SLC4A4: variants seen among roughly 807,000 people sequenced by gnomAD.
The protein encoded by SLC4A4 is solute carrier family 4 member 4, also known as electrogenic sodium bicarbonate cotransporter 1.
A neutral mutation model predicts 111.5 loss-of-function variants in SLC4A4; 27 were observed. The ratio of observed to expected loss-of-function variants is 0.24; its 90% CI spans 0.18 to 0.33. The LOEUF (loss-of-function observed/expected upper bound fraction) is 0.33, where lower values mean the gene tolerates loss of function less well. Ranked by LOEUF, SLC4A4 falls within the 10% of genes least tolerant of loss-of-function variation. The probability of loss-of-function intolerance (pLI) is 1.00; values close to 1 mark genes in which losing one functional copy is unlikely to be tolerated. For missense variants in SLC4A4, 909 were observed against 1,315.5 expected, an observed-to-expected ratio of 0.69 and a Z score of 4.78; for synonymous variants, 443 against 463.4, an observed-to-expected ratio of 0.96 and a Z score of 0.57.
At chr4:71,325,952 ATTTCT>A (rs1727468790) in intron 3 of SLC4A4, among the ~76,000 whole-genome samples, 1 of 151,936 alleles carries the variant, frequency 6.6e-6, no homozygotes, top group Admixed American at 6.6e-5. Flanking sequence ...AGTTATTCTC[ATTTCT>A]TTTATTTATA....
At chr4:71,172,364 T>A (rs184627578) in intron 2 of SLC4A4, among the ~76,000 whole-genome samples, 17 of 152,160 alleles carry the variant, frequency 1.1e-4, no homozygotes, top group African/African-American at 4.1e-4. Context: ...CAAGTGATTC[T>A]CCTGCCTCAG....
At chr4:71,345,326 ATTCT>A (rs1340924320) in intron 4 of SLC4A4, among the ~76,000 whole-genome samples, 2 of 152,024 alleles carry the variant, frequency 1.3e-5, no homozygotes, top group Admixed American at 6.6e-5. Context: ...CCCTGCCCAA[ATTCT>A]TTATTCATTT....
chr4:71,563,743 G>A (rs767472946), intron 23 of SLC4A4, 50 bp from the exon 24 acceptor site: 1 of 1,096,292 alleles, frequency 9.1e-7, no homozygotes, highest in Non-Finnish European at 1.4e-6. Context: ...GAGATAGGAA[G>A]GGCTGTATAA....
intron 7 of SLC4A4, among the ~76,000 whole-genome samples, chr4:71,414,347 C>A (rs1173115520): frequency 6.6e-6 from 1 of 152,138 alleles, no homozygotes; most frequent in Non-Finnish European, 1.5e-5. Context: ...GTGCCAAGGG[C>A]AGAGCTTTGT....
chr4:71,097,375 A>G (rs1402206971), intron 2 of SLC4A4, among the ~76,000 whole-genome samples: 1 of 152,186 alleles, frequency 6.6e-6, no homozygotes, highest in Non-Finnish European at 1.5e-5. Flanking sequence ...CTGTTGCTGC[A>G]TAGTATTCCA....
intron 2 of SLC4A4, among the ~76,000 whole-genome samples, chr4:71,149,171 C>T (rs1744253616): frequency 6.6e-6 from 1 of 152,200 alleles, no homozygotes; most frequent in African/African-American, 2.4e-5. Context: ...GCCAGGTGTA[C>T]TCAGTGAGTT....
intron 2 of SLC4A4, among the ~76,000 whole-genome samples, chr4:71,242,112 A>G (rs1399241377): frequency 1.3e-5 from 2 of 152,242 alleles, no homozygotes; most frequent in East Asian, 3.8e-4. Context: ...ACTGCAGAGA[A>G]TTCCCTGGTA....
intron 7 of SLC4A4, among the ~76,000 whole-genome samples, chr4:71,420,689 T>A (rs1722365745): frequency 6.6e-6 from 1 of 151,346 alleles, no homozygotes; most frequent in African/African-American, 2.4e-5. Flanking sequence ...TTCAACATTC[T>A]TAAAGAAAAG....
At chr4:71,325,835 G>T (rs1172805695) in intron 3 of SLC4A4, among the ~76,000 whole-genome samples, 1 of 151,916 alleles carries the variant, frequency 6.6e-6, no homozygotes, top group African/African-American at 2.4e-5. Flanking sequence ...ATTAGAAAAA[G>T]AGCTTAAAGG....
At chr4:71,542,369 C>A (rs750094353) in intron 18 of SLC4A4, among the ~76,000 whole-genome samples, 7 of 151,984 alleles carry the variant, frequency 4.6e-5, no homozygotes, top group Non-Finnish European at 1.0e-4. Context: ...CCCAATATAC[C>A]GTTTATAGTC....
At chr4:71,556,283 T>A (rs1472178821) in intron 21 of SLC4A4, among the ~76,000 whole-genome samples, 1 of 151,974 alleles carries the variant, frequency 6.6e-6, no homozygotes, top group African/African-American at 2.4e-5. Context: ...TGAATGTGAG[T>A]TTATTTGTGC....
intron 1 of SLC4A4, among the ~76,000 whole-genome samples, chr4:71,084,414 T>A (rs1204593356): frequency 6.6e-6 from 1 of 152,030 alleles, no homozygotes; most frequent in Non-Finnish European, 1.5e-5. Context: ...TATTTTCTTT[T>A]TTATTATACT....
chr4:71,402,298 AG>A (rs1720441158), intron 7 of SLC4A4, among the ~76,000 whole-genome samples: 1 of 152,170 alleles, frequency 6.6e-6, no homozygotes, highest in South Asian at 2.1e-4. Flanking sequence ...ATGATATAGG[AG>A]TGAGTCAACC....
chr4:71,520,273 TC>T (rs1216145835), intron 16 of SLC4A4, among the ~76,000 whole-genome samples: 1 of 152,196 alleles, frequency 6.6e-6, no homozygotes, highest in African/African-American at 2.4e-5. Flanking sequence ...CACAGTCATT[TC>T]TCTTTTGTTC....
intron 2 of SLC4A4, among the ~76,000 whole-genome samples, chr4:71,253,040 G>A (rs1282131518): frequency 6.6e-6 from 1 of 152,182 alleles, no homozygotes; most frequent in Non-Finnish European, 1.5e-5. Flanking sequence ...CTGTGTGGAA[G>A]TGCACAGGGA....
chr4:71,531,278 G>C (rs756091393), intron 16 of SLC4A4, among the ~76,000 whole-genome samples: 19 of 152,130 alleles, frequency 1.2e-4, no homozygotes, highest in Non-Finnish European at 2.4e-4. Flanking sequence ...ATAGTTTAAT[G>C]CTGTATTCCT....
intron 1 of SLC4A4, among the ~76,000 whole-genome samples, chr4:71,211,394 T>C (rs1475860221): frequency 6.6e-6 from 1 of 152,202 alleles, no homozygotes; most frequent in Non-Finnish European, 1.5e-5. Context: ...CCAAATAATT[T>C]GCAAAATTAA....
chr4:71,106,608 T>A (rs1294843358), intron 2 of SLC4A4, among the ~76,000 whole-genome samples: 2 of 144,908 alleles, frequency 1.4e-5, no homozygotes, highest in Non-Finnish European at 3.0e-5. Flanking sequence ...AAATGATGAG[T>A]TCATGTCCTT....
rs146935027 is a variant in SLC4A4 at position 71,091,928 on chromosome 4, G to A, written c.-64-802G>A. On this transcript the variant is annotated intron_variant, in intron 1 of 26. Coordinates refer to the SLC4A4 transcript ENST00000649996. ...CCTGCATATTAAATCTTTGAGAACT[G>A]TGTTGGAACTATATTGCCTTACGGA... Among the ~76,000 whole-genome samples, 209 of 152,276 alleles carry A rather than the reference G, an allele frequency of 1.4e-3. 6 individuals carry two copies. Among genetic ancestry groups the A allele is most frequent in the Admixed American group, 0.012 (180 of 15,294 alleles).
Sources: allele counts gnomAD v4.1 joint callset (sites outside exome capture counted in the v4.1 genomes callset), GRCh38; gene constraint gnomAD v4.1.1; transcripts MANE v1.5; gene names NCBI Gene and HGNC (gene_info 2026-07-23, HGNC 2026-07-21).